MTOR: variants seen among roughly 807,000 people sequenced by gnomAD.
MTOR encodes serine/threonine-protein kinase mTOR.
Under a neutral mutation model 319.8 loss-of-function variants are expected in MTOR, and 70 were observed. That is an observed-to-expected ratio of 0.22 (90% CI 0.18 to 0.27). MTOR has a LOEUF of 0.27. Among genes scored for constraint, MTOR ranks in the 10% least tolerant of loss-of-function variants. The pLI is 1.00. For synonymous variants in MTOR, 1,183 were observed against 1,211.4 expected, an observed-to-expected ratio of 0.98 and a Z score of 0.49; for missense variants, 1,890 against 3,274.4, an observed-to-expected ratio of 0.58 and a Z score of 10.32.
intron 6 of MTOR, among the ~76,000 whole-genome samples, chr1:11,251,684 G>T (rs1649714785): frequency 1.4e-5 from 2 of 140,418 alleles, no homozygotes; most frequent in Non-Finnish European, 1.5e-5. Flanking sequence ...TAGTGACAAG[G>T]TCTCATTATG....
At chr1:11,108,357 T>C (rs1401519517) in intron 56 of MTOR, 71 bp from the exon 57 acceptor site, 1 of 1,177,420 alleles carries the variant, frequency 8.5e-7, no homozygotes, top group East Asian at 2.4e-5. Context: ...CCCTGTGGGC[T>C]TAACTGTCTA....
At position 11,212,599 on chromosome 1, in the gene MTOR, A is replaced by G; in HGVS notation, c.3399-125T>C. Reference sequence around the variant, plus strand: ...ATGAACGGCTTCTAAGGTATTTTGGATGACATGGATCCAACATTTATTCCA... The same window carrying G: ...ATGAACGGCTTCTAAGGTATTTTGGGTGACATGGATCCAACATTTATTCCA... On this transcript the variant is annotated intron_variant, in intron 22 of 57. Coordinates refer to ENST00000361445, the MANE Select transcript of MTOR (RefSeq NM_004958.4). This position sits in a 1 kb window ranked among gnomAD's most constrained non-coding sequence, Gnocchi z 4.1. The G allele has an allele frequency of 8.0e-7, 1 of 1,243,004 alleles. No homozygotes were observed. Among genetic ancestry groups the G allele is most frequent in the Admixed American group, 2.5e-5 (1 of 40,682 alleles). 77.0% of individuals were successfully genotyped at this position (1,243,004 alleles called of 1,614,324 possible). A position where few individuals can be genotyped will look rare whatever the true frequency, so the allele number is the denominator to read the frequency against.
intron 30 of MTOR, among the ~76,000 whole-genome samples, chr1:11,153,579 G>A (rs1644220502): frequency 6.6e-6 from 1 of 152,106 alleles, no homozygotes; most frequent in African/African-American, 2.4e-5. Flanking sequence ...AATTGTTTTT[G>A]AAATAATGTG....
intron 50 of MTOR, among the ~76,000 whole-genome samples, chr1:11,116,130 G>A (rs375596151): frequency 6.6e-6 from 1 of 152,112 alleles, no homozygotes; most frequent in Non-Finnish European, 1.5e-5. Context: ...TTACATTCTT[G>A]TGAGTCCGTT....
At chr1:11,260,939 A>T (rs1266245865) in intron 1 of MTOR, among the ~76,000 whole-genome samples, 1 of 151,706 alleles carries the variant, frequency 6.6e-6, no homozygotes, top group Non-Finnish European at 1.5e-5. Context: ...ACAGATGTGC[A>T]GCACCACGCC....
intron 28 of MTOR, among the ~76,000 whole-genome samples, chr1:11,185,790 G>T (rs968758759): frequency 6.6e-5 from 10 of 152,050 alleles, no homozygotes; most frequent in Non-Finnish European, 8.8e-5. Flanking sequence ...TGCTAGAAAG[G>T]CAGATATGTG....
At chr1:11,202,895 C>A (rs777349942) in intron 26 of MTOR, among the ~76,000 whole-genome samples, 34 of 143,794 alleles carry the variant, frequency 2.4e-4, no homozygotes, top group Non-Finnish European at 4.4e-4. Flanking sequence ...GCAGCAGAGA[C>A]CCTGTTTCCA....
At chr1:11,225,081 T>C (rs1646786798) in intron 19 of MTOR, among the ~76,000 whole-genome samples, 1 of 151,042 alleles carries the variant, frequency 6.6e-6, no homozygotes, top group South Asian at 2.1e-4. Flanking sequence ...GGACAGGAGG[T>C]TTTTTTGCTG....
At chr1:11,187,741 G>C (rs1055683064) in intron 28 of MTOR, among the ~76,000 whole-genome samples, 3 of 152,206 alleles carry the variant, frequency 2.0e-5, no homozygotes, top group African/African-American at 4.8e-5. Flanking sequence ...TTTGGGGCCA[G>C]AGTCTCGTTA....
At chr1:11,124,434 A>G (rs1487273550) in intron 47 of MTOR, 64 bp downstream of exon 47, 1 of 1,574,450 alleles carries the variant, frequency 6.4e-7, no homozygotes, top group East Asian at 2.3e-5. Flanking sequence ...TGACTACACG[A>G]GACAAATGTA....
At chr1:11,114,175 T>C in intron 53 of MTOR, 143 bp downstream of exon 53, 2 of 937,578 alleles carry the variant, frequency 2.1e-6, no homozygotes, top group Non-Finnish European at 3.1e-6. Context: ...TTTTCAGTTT[T>C]TGCAGAAAGG....
At chr1:11,193,836 C>T in intron 28 of MTOR, 2 of 1,511,682 alleles carry the variant, frequency 1.3e-6, no homozygotes, top group East Asian at 2.3e-5. Context: ...CCGCGTACAA[C>T]TCCGGGGGTG....
At chr1:11,107,549 A>C (rs41274504) in intron 57 of MTOR, 49 bp from the exon 58 acceptor site, 1 of 1,601,176 alleles carries the variant, frequency 6.2e-7, no homozygotes, top group Non-Finnish European at 8.5e-7. Flanking sequence ...GAGCTTCTTC[A>C]AAGGTTTACA....
chr1:11,150,116 G>A lies in MTOR; in HGVS notation c.4570+10C>T, dbSNP rs750782711. The A allele has an allele frequency of 1.2e-6, 2 of 1,612,838 alleles. No homozygotes were observed. Among genetic ancestry groups the A allele is most frequent in the Non-Finnish European group, 1.7e-6 (2 of 1,179,496 alleles). On this transcript the variant is annotated intron_variant, in intron 31 of 57. Transcript: ENST00000361445. ...CATCCTTCACAGGGTGCCTGTGAGG[G>A]AAGCTTTACCTAAACCCCATGCAGC...
intron 47 of MTOR, among the ~76,000 whole-genome samples, chr1:11,123,557 C>G (rs1348266885): frequency 1.3e-5 from 2 of 152,128 alleles, no homozygotes. Flanking sequence ...CAGCCTCAAC[C>G]AACTGGGCTA....
chr1:11,118,987 C>G (rs1279189567), intron 49 of MTOR, among the ~76,000 whole-genome samples: 2 of 152,120 alleles, frequency 1.3e-5, no homozygotes, highest in Non-Finnish European at 2.9e-5. Flanking sequence ...ATCCTCCTGC[C>G]TCAGCCTCCC....
At chr1:11,189,108 T>C (rs1201022884) in intron 28 of MTOR, among the ~76,000 whole-genome samples, 2 of 152,128 alleles carry the variant, frequency 1.3e-5, no homozygotes, top group Non-Finnish European at 2.9e-5. Context: ...CATAATCTAA[T>C]AGGCGAAACT....
At chr1:11,125,899 G>A (rs1570937392) in intron 46 of MTOR, among the ~76,000 whole-genome samples, 1 of 151,864 alleles carries the variant, frequency 6.6e-6, no homozygotes, top group East Asian at 1.9e-4. Flanking sequence ...AAATTAGCTA[G>A]GTGTGGTGGT....
intron 28 of MTOR, among the ~76,000 whole-genome samples, chr1:11,173,607 A>G (rs1413982255): frequency 6.6e-6 from 1 of 152,154 alleles, no homozygotes; most frequent in East Asian, 1.9e-4. Context: ...GATTGTTCAA[A>G]GAATAAAGAG....
Sources: allele counts gnomAD v4.1 joint callset (sites outside exome capture counted in the v4.1 genomes callset), GRCh38; gene constraint gnomAD v4.1.1; non-coding constraint Gnocchi (gnomAD v3.1); transcripts MANE v1.5; gene names NCBI Gene and HGNC (gene_info 2026-07-23, HGNC 2026-07-21).